The following GADL1 variants were observed in gnomAD, a reference collection of about 807,000 sequenced individuals.
GADL1 encodes the protein GAD like acidic amino acid decarboxylase 1, also known as acidic amino acid decarboxylase GADL1.
A neutral mutation model predicts 69.5 loss-of-function variants in GADL1; 71 were observed. The observed-to-expected ratio is 1.02, with a 90% CI of 0.84 to 1.25. The LOEUF (loss-of-function observed/expected upper bound fraction) is 1.25. GADL1 is among the 50% of genes most tolerant of loss of function. The pLI, the probability that GADL1 is intolerant of heterozygous loss-of-function variation, is 0.00. For synonymous variants in GADL1, 254 were observed against 214.4 expected (o/e 1.18, Z -1.62); for missense variants, 737 against 631.8 (o/e 1.17, Z -1.79).
intron 11 of GADL1, among the ~76,000 whole-genome samples, chr3:30,812,629 G>T (rs1349986857): frequency 6.6e-6 from 1 of 152,130 alleles, no homozygotes; most frequent in Non-Finnish European, 1.5e-5. Context: ...AGATTTGGGT[G>T]GGGATAGAGG....
chr3:30,838,923 G>T, intron 9 of GADL1, 74 bp downstream of exon 9: 1 of 890,998 alleles, frequency 1.1e-6, no homozygotes, highest in South Asian at 1.7e-5. Flanking sequence ...TAGTTTCTGA[G>T]AATAAGAAAA....
intron 14 of GADL1, among the ~76,000 whole-genome samples, chr3:30,751,504 C>T (rs1026556547): frequency 6.6e-6 from 1 of 150,936 alleles, no homozygotes; most frequent in Admixed American, 6.6e-5. Context: ...ACCTGGGCAA[C>T]TAGATCTTGT....
chr3:30,835,653 G>T (rs1575227049), intron 9 of GADL1, among the ~76,000 whole-genome samples: 1 of 152,152 alleles, frequency 6.6e-6, no homozygotes, highest in East Asian at 1.9e-4. Flanking sequence ...AAGAGTGAAT[G>T]CTTCTTAAAA....
intron 2 of GADL1, 34 bp downstream of exon 2, chr3:30,861,559 A>G: frequency 6.7e-7 from 1 of 1,487,198 alleles, no homozygotes; most frequent in Non-Finnish European, 9.1e-7. Context: ...TATCTTTCCC[A>G]TTTCTGCAAT....
intron 2 of GADL1, among the ~76,000 whole-genome samples, chr3:30,860,473 A>C (rs1432527463): frequency 1.3e-5 from 2 of 151,998 alleles, no homozygotes; most frequent in East Asian, 1.9e-4. Context: ...ACAAGTACAG[A>C]GAAGAACAGA....
At chr3:30,890,682 A>G (rs1698774550) in intron 1 of GADL1, among the ~76,000 whole-genome samples, 1 of 152,144 alleles carries the variant, frequency 6.6e-6, no homozygotes, top group Non-Finnish European at 1.5e-5. Context: ...GTGTGGGGTA[A>G]TCATGCAGCT....
chr3:30,759,787 C>CT (rs1696077772), intron 14 of GADL1, among the ~76,000 whole-genome samples: 2 of 152,224 alleles, frequency 1.3e-5, no homozygotes, highest in African/African-American at 2.4e-5. Context: ...ATTTGGCTAA[C>CT]TGTAGCATAG....
intron 14 of GADL1, among the ~76,000 whole-genome samples, chr3:30,737,109 C>T (rs1695551071): frequency 6.6e-6 from 1 of 152,040 alleles, no homozygotes; most frequent in Admixed American, 6.6e-5. Context: ...TAGATTCAGG[C>T]CCCAATCAGA....
In GADL1 at chr3:30,854,765, A is replaced by G. The variant is rs556756646; in HGVS notation, c.362T>C (p.Leu121Ser). ...KTNHPRFFNQ[L>S]YAGLDYYSLV... ...GGAGTAATAATCAAGTCCAGCATAC[A>G]ATTGGTTGAAAAATCTTGGGTGGTC... is the stretch of plus-strand genomic sequence containing the variant. The change falls in exon 4 of 15, where the codon TTG becomes TCG. Residue 121 changes from leucine (L) to serine (S), a missense_variant. Leu to Ser is a moderately radical substitution (Grantham distance 145). Transcript: ENST00000282538. 6.5e-7 allele frequency: 1 copy of G among 1,548,968 alleles called. No homozygotes were observed. The highest frequency in any genetic ancestry group is 2.0e-5 in the Admixed American group (1 of 50,914).
chr3:30,733,106 T>C (rs970629892), intron 14 of GADL1, among the ~76,000 whole-genome samples: 1 of 152,174 alleles, frequency 6.6e-6, no homozygotes, highest in African/African-American at 2.4e-5. Context: ...TTTTATTTTT[T>C]TCAATGCATT....
At chr3:30,772,598 T>TG (rs111795231) in intron 14 of GADL1, among the ~76,000 whole-genome samples, 5 of 152,290 alleles carry the variant, frequency 3.3e-5, no homozygotes, top group African/African-American at 1.2e-4. Flanking sequence ...TGTATAGGGC[T>TG]GGGTGCGGTG....
intron 12 of GADL1, among the ~76,000 whole-genome samples, chr3:30,796,708 T>C (rs1170192331): frequency 6.6e-6 from 1 of 152,196 alleles, no homozygotes; most frequent in Non-Finnish European, 1.5e-5. Context: ...TGAGGACTGC[T>C]GATACTGTTG....
intron 14 of GADL1, among the ~76,000 whole-genome samples, chr3:30,741,943 C>A (rs77727384): frequency 0.053 from 8,097 of 152,156 alleles, 608 homozygotes; most frequent in African/African-American, 0.16. Flanking sequence ...CTGACTTTCC[C>A]AAGTTCAACT....
intron 12 of GADL1, among the ~76,000 whole-genome samples, chr3:30,793,299 C>A (rs1696960082): frequency 1.3e-5 from 2 of 152,078 alleles, no homozygotes; most frequent in South Asian, 4.2e-4. Context: ...TGTTTTAAGT[C>A]ACCTCTGCTT....
intron 12 of GADL1, among the ~76,000 whole-genome samples, chr3:30,797,474 T>C (rs1697061326): frequency 6.6e-6 from 1 of 152,204 alleles, no homozygotes; most frequent in Non-Finnish European, 1.5e-5. Context: ...GTGTTCTACA[T>C]GTATCAATTC....
chr3:30,765,705 G>A (rs1696260226), intron 14 of GADL1, among the ~76,000 whole-genome samples: 1 of 152,138 alleles, frequency 6.6e-6, no homozygotes, highest in South Asian at 2.1e-4. Flanking sequence ...TTTTGTACTA[G>A]CCAGGCTTGG....
intron 4 of GADL1, among the ~76,000 whole-genome samples, chr3:30,854,467 A>T (rs1254995133): frequency 1.3e-5 from 2 of 152,118 alleles, no homozygotes; most frequent in Admixed American, 1.3e-4. Flanking sequence ...CAATTTTCTC[A>T]TCTGTTAAAT....
intron 1 of GADL1, among the ~76,000 whole-genome samples, chr3:30,882,867 TAATG>T (rs1166020370): frequency 6.6e-6 from 1 of 151,914 alleles, no homozygotes; most frequent in African/African-American, 2.4e-5. Flanking sequence ...GTAGCCATCT[TAATG>T]GATGTAAGGT....
intron 9 of GADL1, among the ~76,000 whole-genome samples, chr3:30,835,012 T>C (rs1363465020): frequency 1.3e-5 from 2 of 152,100 alleles, no homozygotes; most frequent in Non-Finnish European, 1.5e-5. Flanking sequence ...GATAACTGTA[T>C]TGAGAGAATT....
Sources: gnomAD v4.1 joint callset for allele counts (sites outside exome capture counted in the v4.1 genomes callset) on GRCh38, gnomAD v4.1.1 for gene constraint, MANE v1.5 for transcripts, NCBI Gene and HGNC (gene_info 2026-07-23, HGNC 2026-07-21) for gene names.